The following MORC1 variants were observed in gnomAD, a reference collection of about 807,000 sequenced individuals.
MORC1 encodes the protein MORC family CW-type zinc finger 1.
In MORC1, 59 loss-of-function variants were observed where a neutral mutation model predicts 134.9. The observed-to-expected ratio is 0.44, with a 90% CI of 0.35 to 0.54. MORC1 has a LOEUF of 0.54. Ranked by LOEUF, MORC1 falls within the 20% of genes least tolerant of loss-of-function variation. The pLI is 0.00. For synonymous variants in MORC1, 395 were observed against 391.7 expected, an observed-to-expected ratio of 1.01 and a Z score of -0.10; for missense variants, 947 against 1,134.5, an observed-to-expected ratio of 0.83 and a Z score of 2.37.
At chr3:109,117,342 AAAAAAAAAAAAG>A (rs1445863343) in intron 1 of MORC1, among the ~76,000 whole-genome samples, 1 of 148,794 alleles carries the variant, frequency 6.7e-6, no homozygotes, top group East Asian at 1.9e-4. Context: ...AAAAAAAAAA[AAAAAAAAAAAAG>A]AAACATAAAG....
rs747559275 is a variant in MORC1 at position 109,000,676 on chromosome 3, C to CA, written c.2086-19dup. ...GAAGCGGCCTATAACAAGGAATTAA[C>CA]AAAAAAAATACAAGGATTAGTGGCA... On this transcript the variant is annotated intron_variant, in intron 20 of 27. Transcript: ENST00000232603. 54 of 1,570,826 alleles carry CA rather than the reference C, an allele frequency of 3.4e-5. 1 individual carries two copies. The highest frequency in any genetic ancestry group is 7.0e-5 in the Admixed American group (4 of 57,462).
intron 27 of MORC1, among the ~76,000 whole-genome samples, chr3:108,961,012 C>A (rs1453489453): frequency 6.6e-6 from 1 of 152,144 alleles, no homozygotes. Context: ...AACTTTTAAT[C>A]CCGTTTTTCC....
At position 108,981,149 on chromosome 3, in the gene MORC1, G is replaced by A. The variant is rs185019966; in HGVS notation, c.2325-1482C>T. Among the ~76,000 whole-genome samples the A allele has an allele frequency of 5.7e-4, 87 of 152,246 alleles. 2 individuals are homozygous for A. The highest frequency in any genetic ancestry group is 1.9e-3 in the African/African-American group (77 of 41,532). The stretch of plus-strand genomic sequence containing the variant: ...CAGTACGACATGGGAAATGGAGCTG[G>A]GGAGGGCAGGTAGAGGTCAGATCAT... On this transcript the variant is annotated intron_variant, in intron 23 of 27. Transcript: ENST00000232603.
intron 17 of MORC1, among the ~76,000 whole-genome samples, chr3:109,024,040 G>A (rs966051593): frequency 2.0e-5 from 3 of 152,186 alleles, no homozygotes; most frequent in Non-Finnish European, 2.9e-5. Context: ...TCAATTACAT[G>A]GAGGACAACC....
At chr3:109,027,628 C>T in intron 17 of MORC1, 123 bp downstream of exon 17, 1 of 1,317,602 alleles carries the variant, frequency 7.6e-7, no homozygotes, top group Non-Finnish European at 1.1e-6. Flanking sequence ...TAAAAGATGT[C>T]AAAAAGGACA....
At chr3:109,109,390 T>A (rs1176924207) in intron 3 of MORC1, among the ~76,000 whole-genome samples, 2 of 152,212 alleles carry the variant, frequency 1.3e-5, no homozygotes, top group African/African-American at 4.8e-5. Context: ...TATTACTGAA[T>A]AAATTAATGA....
At chr3:109,041,267 C>T (rs987443610) in intron 14 of MORC1, among the ~76,000 whole-genome samples, 8 of 150,622 alleles carry the variant, frequency 5.3e-5, no homozygotes, top group Admixed American at 2.0e-4. Context: ...GCCGAGATCG[C>T]GCCACTGCAC....
At chr3:108,965,389 C>G (rs1199108160) in intron 26 of MORC1, among the ~76,000 whole-genome samples, 15 of 152,126 alleles carry the variant, frequency 9.9e-5, no homozygotes, top group Admixed American at 9.8e-4. Flanking sequence ...ATAAATAAAG[C>G]AATTGTCAAA....
chr3:109,005,006 C>A, intron 19 of MORC1, 64 bp downstream of exon 19: 2 of 1,578,076 alleles, frequency 1.3e-6, no homozygotes, highest in Non-Finnish European at 8.6e-7. Flanking sequence ...TGAAGCAAAA[C>A]CTTGACTGAA....
chr3:109,113,523 A>T (rs1157481782), intron 2 of MORC1, among the ~76,000 whole-genome samples: 4 of 152,196 alleles, frequency 2.6e-5, no homozygotes, highest in Admixed American at 2.6e-4. Flanking sequence ...AGTGGCAGGG[A>T]ATTTAGGCTC....
chr3:109,077,437 T>TA (rs1950443856), intron 8 of MORC1, among the ~76,000 whole-genome samples: 1 of 152,134 alleles, frequency 6.6e-6, no homozygotes, highest in Non-Finnish European at 1.5e-5. Context: ...GGAAGAAAGA[T>TA]AAATACATAC....
At chr3:109,069,806 C>A in intron 8 of MORC1, 49 bp from the exon 9 acceptor site, 1 of 1,532,810 alleles carries the variant, frequency 6.5e-7, no homozygotes. Context: ...ACAACAACTA[C>A]ATCTCTTTGA....
At chr3:109,034,610 TTAAA>T (rs1949329991) in intron 15 of MORC1, among the ~76,000 whole-genome samples, 1 of 152,222 alleles carries the variant, frequency 6.6e-6, no homozygotes, top group Non-Finnish European at 1.5e-5. Flanking sequence ...CTACTATGTA[TTAAA>T]TAGTGTTACA....
chr3:109,047,958 C>T (rs529945453), intron 14 of MORC1, among the ~76,000 whole-genome samples: 1 of 152,302 alleles, frequency 6.6e-6, no homozygotes, highest in African/African-American at 2.4e-5. Flanking sequence ...ATCAGCCTCA[C>T]AATGGAAGAA....
chr3:109,045,721 G>A (rs1031417498), intron 14 of MORC1, among the ~76,000 whole-genome samples: 3 of 152,140 alleles, frequency 2.0e-5, no homozygotes, highest in East Asian at 1.9e-4. Context: ...GGTGGCATGC[G>A]GTTGTGCTAG....
intron 17 of MORC1, among the ~76,000 whole-genome samples, chr3:109,021,128 C>T (rs1039812148): frequency 6.6e-6 from 1 of 152,116 alleles, no homozygotes; most frequent in Non-Finnish European, 1.5e-5. Context: ...GGAAGGAAGC[C>T]AAAGACTTGT....
Position 109,032,732 on chromosome 3 carries a change from C to A in MORC1, c.1553G>T (p.Arg518Leu), listed in dbSNP as rs143641326. ...TAATCAAAAATACCTGTTTTCCAAG[C>A]GGTTGGGATTATTAGCACAAATCCA... ...DIWICANNPN[R>L]LENSCHQVEC... is the part of the protein sequence containing the mutation. Residue 518 changes from arginine (R) to leucine (L), a missense_variant, in exon 16 of 28, where the codon CGC becomes CTC. Physicochemically the swap from Arg to Leu is moderately radical, Grantham distance 102 (BLOSUM62 -2). Transcript: ENST00000232603. 9 of 1,586,480 alleles carry A rather than the reference C, an allele frequency of 5.7e-6. No individual in the cohort carries two copies. Among genetic ancestry groups the A allele is most frequent in the Non-Finnish European group, 7.7e-6 (9 of 1,162,254 alleles).
intron 17 of MORC1, among the ~76,000 whole-genome samples, chr3:109,026,490 T>G (rs1220863876): frequency 6.6e-6 from 1 of 152,106 alleles, no homozygotes; most frequent in African/African-American, 2.4e-5. Flanking sequence ...ACAAGCTAAT[T>G]AAGTCTTGAT....
At chr3:109,074,515 G>C (rs900737790) in intron 8 of MORC1, among the ~76,000 whole-genome samples, 3 of 152,158 alleles carry the variant, frequency 2.0e-5, no homozygotes, top group Non-Finnish European at 4.4e-5. Context: ...ACTTGAAAGA[G>C]ATTTCAAAGG....
Sources: allele counts gnomAD v4.1 joint callset (sites outside exome capture counted in the v4.1 genomes callset), GRCh38; gene constraint gnomAD v4.1.1; transcripts MANE v1.5; gene names NCBI Gene and HGNC (gene_info 2026-07-23, HGNC 2026-07-21).